The following UNC13A variants were observed in gnomAD, a reference collection of about 807,000 sequenced individuals.
UNC13A encodes the protein protein unc-13 homolog A.
Under a neutral mutation model 219.7 loss-of-function variants are expected in UNC13A, and 61 were observed. The observed-to-expected ratio is 0.28, with a 90% CI of 0.23 to 0.34. The LOEUF (loss-of-function observed/expected upper bound fraction) is 0.34. Ranked by LOEUF, UNC13A falls within the 10% of genes least tolerant of loss-of-function variation. The probability of loss-of-function intolerance (pLI) is 1.00; values close to 1 mark genes in which losing one functional copy is unlikely to be tolerated. For missense variants in UNC13A, 1,476 were observed against 2,270.3 expected, an observed-to-expected ratio of 0.65 and a Z score of 7.11; for synonymous variants, 920 against 884.6, an observed-to-expected ratio of 1.04 and a Z score of -0.71.
intron 8 of UNC13A, among the ~76,000 whole-genome samples, chr19:17,661,845 C>T (rs138150938): frequency 1.3e-5 from 2 of 152,252 alleles, no homozygotes; most frequent in East Asian, 1.9e-4. Context: ...AGGTGGGCAG[C>T]GGTTGGGTGA....
In UNC13A at chr19:17,606,052, C is replaced by T. The variant is rs755963373; in HGVS notation, c.*2G>A. 1.9e-6 allele frequency: 3 copies of T among 1,539,162 alleles called. No individual in the cohort carries two copies. The highest frequency in any genetic ancestry group is 1.2e-5 in the South Asian group (1 of 82,408). The stretch of plus-strand genomic sequence containing the variant: ...GCAGTGCCGCTCGGCCGACCGCCCG[C>T]GCTAAGGCGCAGGCGCGGCACCGCC... On this transcript the variant is annotated 3_prime_UTR_variant, in exon 44 of 44. Transcript: ENST00000519716.
intron 1 of UNC13A, among the ~76,000 whole-genome samples, chr19:17,677,702 C>CT (rs1280878697): frequency 6.6e-6 from 1 of 152,056 alleles, no homozygotes; most frequent in Non-Finnish European, 1.5e-5. Flanking sequence ...TCCCCTTTTC[C>CT]TTTTCAAATT....
rs752526385 is a variant in UNC13A, at chr19:17,648,594, C to T, written c.1653G>A (p.Thr551=). Residue 551 remains threonine (T), a synonymous_variant, in exon 16 of 44, where the codon ACG becomes ACA. Coordinates refer to ENST00000519716, the MANE Select transcript of UNC13A (RefSeq NM_001080421.3). ...TCCACACTTCGAAGTTGTGTGGCGT[C>T]GTGCACGAGATGGGGTAGATTAAGG... ...LQALIYPISC[T]TPHNFEVWTA... is the part of the protein sequence containing the mutation. 5 of 1,613,726 alleles carry T rather than the reference C, an allele frequency of 3.1e-6. No individual in the cohort carries two copies. Among genetic ancestry groups the T allele is most frequent in the Admixed American group, 3.3e-5 (2 of 59,980 alleles).
chr19:17,612,739 G>A (rs1050558553), intron 41 of UNC13A, among the ~76,000 whole-genome samples: 2 of 152,252 alleles, frequency 1.3e-5, no homozygotes, highest in Admixed American at 6.5e-5. Context: ...AGCTACTCTG[G>A]TGGCTGAGGT....
intron 8 of UNC13A, among the ~76,000 whole-genome samples, chr19:17,661,972 T>G (rs1178320492): frequency 6.6e-6 from 1 of 152,074 alleles, no homozygotes; most frequent in East Asian, 1.9e-4. Flanking sequence ...CCGGGCGCAG[T>G]GGCTCAAACT....
chr19:17,626,454 T>C (rs2076784926), intron 34 of UNC13A, 179 bp downstream of exon 34: 1 of 603,116 alleles, frequency 1.7e-6, no homozygotes. Flanking sequence ...CACCAATCCT[T>C]CCAATTATTT....
At chr19:17,608,439 TTA>T (rs1267609023) in intron 43 of UNC13A, among the ~76,000 whole-genome samples, 1 of 139,438 alleles carries the variant, frequency 7.2e-6, no homozygotes, top group Non-Finnish European at 1.5e-5. Context: ...TATATATTTA[TTA>T]TATATTATAT....
At chr19:17,640,688 G>C in intron 21 of UNC13A, 27 bp from the exon 22 acceptor site, 7 of 1,553,610 alleles carry the variant, frequency 4.5e-6, no homozygotes, top group Non-Finnish European at 6.1e-6. Flanking sequence ...GGAGGCACTA[G>C]GCCAGGGGTC....
chr19:17,639,362 T>A (rs1825639060), intron 24 of UNC13A, 74 bp downstream of exon 24: 1 of 1,571,146 alleles, frequency 6.4e-7, no homozygotes, highest in Non-Finnish European at 8.7e-7. Context: ...CCAGGAGGAA[T>A]GTCACTTGTC....
rs556414600 is a variant in UNC13A, at chr19:17,637,578, G to A, written c.3082-1421C>T. ...CTCTCAAAGTGCTGGGATTACAGGCGTGAGCCACTGTGCCTGGCCGTCAAG... is the reference window on the plus strand; with the variant it reads ...CTCTCAAAGTGCTGGGATTACAGGCATGAGCCACTGTGCCTGGCCGTCAAG... On this transcript the variant is annotated intron_variant, in intron 25 of 43. Transcript: ENST00000519716. 4.4e-4 allele frequency among the ~76,000 whole-genome samples: 67 copies of A among 152,244 alleles called. 2 individuals are homozygous for A. The highest frequency in any genetic ancestry group is 1.6e-3 in the African/African-American group (65 of 41,538).
At position 17,639,104 on chromosome 19, in the gene UNC13A, G is replaced by A; in HGVS notation, c.3060C>T (p.Ser1020=). The change falls in exon 25 of 44, where the codon AGC becomes AGT. Residue 1020 remains serine (S), a synonymous_variant. Coordinates refer to ENST00000519716, the MANE Select transcript of UNC13A (RefSeq NM_001080421.3). ...TCACCGGGTCTGTCTGGTACTCCCGGCTGTACAGTTCATGGCAGTTATTGA... is the reference window on the plus strand; with the variant it reads ...TCACCGGGTCTGTCTGGTACTCCCGACTGTACAGTTCATGGCAGTTATTGA... The part of the protein sequence containing the change: ...YIFNNCHELY[S]REYQTDPAKK... 1.2e-6 allele frequency: 2 copies of A among 1,606,334 alleles called. No homozygotes were observed. The highest frequency in any genetic ancestry group is 8.5e-7 in the Non-Finnish European group (1 of 1,176,426).
chr19:17,655,469 T>C lies in UNC13A; in HGVS notation c.1284-87A>G, dbSNP rs1322194540. 2.9e-6 allele frequency: 3 copies of C among 1,039,654 alleles called. No homozygotes were observed. The East Asian group carries it at 7.8e-5, about 27-fold the overall frequency. 64.4% of individuals were successfully genotyped at this position (1,039,654 alleles called of 1,614,324 possible). A position where few individuals can be genotyped will look rare whatever the true frequency, so the allele number is the denominator to read the frequency against. Reference sequence around the variant, plus strand: ...ACCCTCCAGCTGTGCAAGTGATGCATAGCTCCCCATGGTATCTCTGACCCC... The same window carrying C: ...ACCCTCCAGCTGTGCAAGTGATGCACAGCTCCCCATGGTATCTCTGACCCC... On this transcript the variant is annotated intron_variant, in intron 10 of 43. Coordinates refer to ENST00000519716, the MANE Select transcript of UNC13A (RefSeq NM_001080421.3).
intron 43 of UNC13A, among the ~76,000 whole-genome samples, chr19:17,608,386 AT>A (rs1244300855): frequency 3.6e-5 from 1 of 27,880 alleles, no homozygotes; most frequent in African/African-American, 1.7e-4. Context: ...GTATATAAAT[AT>A]ATATATATTT....
chr19:17,667,115 G>T (rs946422437), intron 6 of UNC13A, among the ~76,000 whole-genome samples: 2 of 152,136 alleles, frequency 1.3e-5, no homozygotes. Flanking sequence ...GCCAGGTATG[G>T]TGGCGCATGC....
chr19:17,623,594 G>A (rs756261735), intron 35 of UNC13A, 47 bp from the exon 36 acceptor site: 3 of 1,039,040 alleles, frequency 2.9e-6, no homozygotes, highest in African/African-American at 1.7e-5. Context: ...GGGGAATAAG[G>A]TACCATGAGT....
intron 11 of UNC13A, among the ~76,000 whole-genome samples, chr19:17,653,065 T>C (rs778007603): frequency 1.4e-4 from 22 of 152,142 alleles, no homozygotes; most frequent in Middle Eastern, 3.2e-3. Context: ...GGTCTCAGCA[T>C]AGACGTGGGG....
chr19:17,669,978 G>A (rs1444921090), intron 4 of UNC13A, among the ~76,000 whole-genome samples: 1 of 118,992 alleles, frequency 8.4e-6, no homozygotes. Context: ...ACAGAGTCTC[G>A]CTCTGTCGCC....
intron 1 of UNC13A, among the ~76,000 whole-genome samples, chr19:17,683,572 C>A (rs571208648): frequency 5.9e-5 from 9 of 151,912 alleles, no homozygotes; most frequent in African/African-American, 2.2e-4. Flanking sequence ...GCAGGAAAAT[C>A]GCTTGAACTT....
At position 17,633,273 on chromosome 19, in the gene UNC13A, A is replaced by G; in HGVS notation, c.3216-80T>C. On this transcript the variant is annotated intron_variant, in intron 26 of 43. Coordinates refer to ENST00000519716, the MANE Select transcript of UNC13A (RefSeq NM_001080421.3). ...GCTGCTTTGTCCTTCCCTGCCCCAC[A>G]GAGGAGTGTAGGGTAGGGTAGAGGG... 6 of 1,269,418 alleles carry G rather than the reference A, an allele frequency of 4.7e-6. No homozygotes were observed. The South Asian group carries it at 6.3e-5, about 13-fold the overall frequency. 78.6% of individuals were successfully genotyped at this position (1,269,418 alleles called of 1,614,324 possible).
Sources: gnomAD v4.1 joint callset for allele counts (sites outside exome capture counted in the v4.1 genomes callset) on GRCh38, gnomAD v4.1.1 for gene constraint, MANE v1.5 for transcripts, NCBI Gene and HGNC (gene_info 2026-07-23, HGNC 2026-07-21) for gene names.